The following SLC2A9 variants were observed in gnomAD, a reference collection of about 807,000 sequenced individuals.
The protein encoded by SLC2A9 is solute carrier family 2, facilitated glucose transporter member 9.
Under a neutral mutation model 50.6 loss-of-function variants are expected in SLC2A9, and 39 were observed. The observed-to-expected ratio is 0.77, with a 90% CI of 0.60 to 1.01. The LOEUF (loss-of-function observed/expected upper bound fraction) is 1.01. Ranked by LOEUF, SLC2A9 falls within the 50% of genes least tolerant of loss-of-function variation. The pLI is 0.00. For missense variants in SLC2A9, 686 were observed against 677.6 expected (o/e 1.01, Z -0.14); for synonymous variants, 324 against 276.9 (o/e 1.17, Z -1.69).
At chr4:10,017,411 T>C (rs1056874711) in intron 2 of SLC2A9, among the ~76,000 whole-genome samples, 4 of 152,254 alleles carry the variant, frequency 2.6e-5, no homozygotes, top group Non-Finnish European at 5.9e-5. Context: ...CATCTTGGAA[T>C]GACGTCACAA....
intron 5 of SLC2A9, among the ~76,000 whole-genome samples, chr4:9,964,643 T>C (rs1752788237): frequency 6.6e-6 from 1 of 152,248 alleles, no homozygotes; most frequent in Non-Finnish European, 1.5e-5. Context: ...CTAATATTCT[T>C]GATAAAAATC....
intron 10 of SLC2A9, among the ~76,000 whole-genome samples, chr4:9,858,586 T>C (rs1481170311): frequency 6.6e-6 from 1 of 152,156 alleles, no homozygotes; most frequent in African/African-American, 2.4e-5. Context: ...ATGGTATTAA[T>C]AGTCACGTCA....
intron 1 of SLC2A9, chr4:10,029,199 G>A (rs1047120429): frequency 6.6e-6 from 1 of 152,262 alleles, no homozygotes; most frequent in African/African-American, 2.4e-5. Flanking sequence ...CCTTCCAGAC[G>A]ACTAGGACGA....
At chr4:9,846,665 C>G (rs1422793484) in intron 10 of SLC2A9, among the ~76,000 whole-genome samples, 1 of 152,134 alleles carries the variant, frequency 6.6e-6, no homozygotes, top group Non-Finnish European at 1.5e-5. Context: ...TGGCACATGG[C>G]AAATTATTAC....
intron 1 of SLC2A9, among the ~76,000 whole-genome samples, chr4:9,773,085 G>A (rs867374352): frequency 3.3e-5 from 5 of 152,152 alleles, no homozygotes; most frequent in African/African-American, 1.2e-4. Flanking sequence ...TTCAAAGGTG[G>A]CAAGCTCCTG....
chr4:9,791,331 C>T (rs755713143), intron 3 of SLC2A9, among the ~76,000 whole-genome samples: 2 of 152,180 alleles, frequency 1.3e-5, no homozygotes, highest in African/African-American at 4.8e-5. Context: ...GCCTGTTACA[C>T]CATTTAATGC....
downstream of SLC2A9, chr4:9,771,128 C>T (rs1716764684): frequency 5.4e-6 from 1 of 186,192 alleles, no homozygotes; most frequent in African/African-American, 2.3e-5. Context: ...GTGGATATTG[C>T]AAAGCATTCA....
chr4:9,891,298 C>T (rs1737374150), intron 8 of SLC2A9, among the ~76,000 whole-genome samples: 1 of 152,206 alleles, frequency 6.6e-6, no homozygotes, highest in Non-Finnish European at 1.5e-5. Context: ...ATCTGGCTGG[C>T]CCCTGTGCCC....
At chr4:9,987,573 G>A (rs1425387900) in intron 3 of SLC2A9, among the ~76,000 whole-genome samples, 4 of 152,142 alleles carry the variant, frequency 2.6e-5, no homozygotes, top group Non-Finnish European at 4.4e-5. Context: ...TTGCCCAATA[G>A]AGCCCCAGTG....
At chr4:9,947,817 C>T (rs1416214660) in intron 5 of SLC2A9, among the ~76,000 whole-genome samples, 2 of 152,166 alleles carry the variant, frequency 1.3e-5, no homozygotes, top group East Asian at 1.9e-4. Flanking sequence ...CCTGCCTCCC[C>T]TGCTCACTCA....
At chr4:9,851,862 C>T (rs776868938) in intron 10 of SLC2A9, among the ~76,000 whole-genome samples, 26 of 151,804 alleles carry the variant, frequency 1.7e-4, no homozygotes, top group Non-Finnish European at 3.7e-4. Flanking sequence ...ATTCAGTCAA[C>T]AAAAATAAAG....
intron 1 of SLC2A9, among the ~76,000 whole-genome samples, chr4:9,773,214 T>G (rs116157355): frequency 0.011 from 1,667 of 152,284 alleles, 32 homozygotes; most frequent in African/African-American, 0.038. Flanking sequence ...GTTGAGGTGA[T>G]GTGGCTGGCT....
intron 8 of SLC2A9, among the ~76,000 whole-genome samples, chr4:9,891,369 C>T (rs956476128): frequency 6.6e-6 from 1 of 152,148 alleles, no homozygotes; most frequent in Non-Finnish European, 1.5e-5. Flanking sequence ...GTAATTGTAG[C>T]CGAATGTCAG....
At chr4:9,966,374 G>A (rs1414361862) in intron 5 of SLC2A9, among the ~76,000 whole-genome samples, 1 of 152,160 alleles carries the variant, frequency 6.6e-6, no homozygotes, top group African/African-American at 2.4e-5. Flanking sequence ...ACACACTGGA[G>A]GCTGGGTGAA....
At chr4:9,861,466 ACAT>A (rs1731632386) in intron 10 of SLC2A9, among the ~76,000 whole-genome samples, 1 of 152,160 alleles carries the variant, frequency 6.6e-6, no homozygotes, top group African/African-American at 2.4e-5. Flanking sequence ...TTACAATTCA[ACAT>A]GAGATTTGGT....
chr4:9,909,535 A>G (rs1303933820), intron 7 of SLC2A9, among the ~76,000 whole-genome samples: 1 of 152,206 alleles, frequency 6.6e-6, no homozygotes, highest in East Asian at 1.9e-4. Flanking sequence ...ATCTTGAACT[A>G]GCTGTGTGAC....
At chr4:9,857,495 G>C (rs940472743) in intron 10 of SLC2A9, among the ~76,000 whole-genome samples, 1 of 152,182 alleles carries the variant, frequency 6.6e-6, no homozygotes, top group African/African-American at 2.4e-5. Flanking sequence ...CACCATCTCA[G>C]GCTGTCCCAC....
intron 5 of SLC2A9, among the ~76,000 whole-genome samples, chr4:9,953,370 G>A (rs1183029966): frequency 6.6e-6 from 1 of 152,244 alleles, no homozygotes. Context: ...TGCTTAAAGA[G>A]CTGGAGCCAC....
At chr4:9,772,972 C>T (rs559432564) in intron 1 of SLC2A9, among the ~76,000 whole-genome samples, 20 of 152,154 alleles carry the variant, frequency 1.3e-4, no homozygotes, top group South Asian at 2.1e-4. Flanking sequence ...AGAGAGGTTA[C>T]GTCACTTGCT....
Sources: allele counts gnomAD v4.1 joint callset (sites outside exome capture counted in the v4.1 genomes callset), GRCh38; gene constraint gnomAD v4.1.1; transcripts MANE v1.5; gene names NCBI Gene and HGNC (gene_info 2026-07-23, HGNC 2026-07-21).